The following ADAMTSL3 variants were observed in gnomAD, a reference collection of about 807,000 sequenced individuals.
The protein encoded by ADAMTSL3 is ADAMTS like 3, also known as ADAMTS-like protein 3.
In ADAMTSL3, 128 loss-of-function variants were observed where a neutral mutation model predicts 201.7. That is an observed-to-expected ratio of 0.63 (90% CI 0.55 to 0.73). The LOEUF is 0.73. ADAMTSL3 is among the 30% of genes least tolerant of loss of function. ADAMTSL3 has a pLI of 0.00. For missense variants in ADAMTSL3, 1,990 were observed against 2,119.6 expected (o/e 0.94, Z 1.20); for synonymous variants, 738 against 748.4 (o/e 0.99, Z 0.23).
At position 83,844,752 on chromosome 15, in the gene ADAMTSL3, T is replaced by C. The variant is rs541756845; in HGVS notation, c.727+6537T>C. Among the ~76,000 whole-genome samples the C allele has an allele frequency of 3.7e-4, 57 of 152,320 alleles. No individual in the cohort carries two copies. The South Asian group carries it at 0.011, about 30-fold the overall frequency. On this transcript the variant is annotated intron_variant, in intron 7 of 29. Transcript: ENST00000286744. ...CTTTTGCATGGTTTTGTTTGTCTTC[T>C]GGCCCTGTGCATGAAGAGAGATAAT...
At chr15:83,674,491 A>C (rs2061367702) in intron 2 of ADAMTSL3, among the ~76,000 whole-genome samples, 2 of 151,632 alleles carry the variant, frequency 1.3e-5, no homozygotes, top group African/African-American at 2.4e-5. Context: ...TATTTGTCCT[A>C]CTGTGTCACA....
chr15:83,743,154 C>T (rs2062483626), intron 3 of ADAMTSL3, among the ~76,000 whole-genome samples: 2 of 152,164 alleles, frequency 1.3e-5, no homozygotes, highest in Admixed American at 1.3e-4. Context: ...CCATTTTTAT[C>T]CCTTCTATCA....
chr15:83,683,979 A>G (rs540569894), intron 2 of ADAMTSL3, among the ~76,000 whole-genome samples: 6 of 152,192 alleles, frequency 3.9e-5, no homozygotes, highest in Non-Finnish European at 8.8e-5. Flanking sequence ...TCTCCCTTGC[A>G]TAATAGTATT....
chr15:83,839,909 A>G (rs2064342844), intron 7 of ADAMTSL3, among the ~76,000 whole-genome samples: 1 of 152,168 alleles, frequency 6.6e-6, no homozygotes, highest in Non-Finnish European at 1.5e-5. Context: ...CCCCATAAGT[A>G]TCCAATGTCT....
chr15:83,694,638 A>G (rs2061656035), intron 2 of ADAMTSL3, among the ~76,000 whole-genome samples: 1 of 152,080 alleles, frequency 6.6e-6, no homozygotes, highest in Non-Finnish European at 1.5e-5. Flanking sequence ...TGGCAGGGCA[A>G]GGCTTTCTTT....
At chr15:83,678,225 C>T (rs919135720) in intron 2 of ADAMTSL3, among the ~76,000 whole-genome samples, 1 of 151,994 alleles carries the variant, frequency 6.6e-6, no homozygotes, top group Non-Finnish European at 1.5e-5. Context: ...CCTATTTTTG[C>T]CCATTAATTG....
rs1443057502 is a variant in ADAMTSL3 at position 83,899,681 on chromosome 15, G to A, written c.1650G>A (p.Leu550=). ...CAGTGGAAGCAAAATTGCCTTGGCT[G>A]AAACAAGCACAAGAACTAGAAGAGA... ...KSPVEAKLPW[L]KQAQELEETR... Residue 550 remains leucine, a synonymous_variant, in exon 15 of 30, where the codon CTG becomes CTA. Transcript: ENST00000286744. 2.5e-6 allele frequency: 4 copies of A among 1,612,362 alleles called. No homozygotes were observed. Among genetic ancestry groups the A allele is most frequent in the Non-Finnish European group, 2.5e-6 (3 of 1,178,896 alleles).
chr15:83,834,664 A>C (rs918293989), intron 6 of ADAMTSL3, among the ~76,000 whole-genome samples: 1 of 152,232 alleles, frequency 6.6e-6, no homozygotes, highest in Non-Finnish European at 1.5e-5. Flanking sequence ...ATGAATATTT[A>C]TTCCAAAAAG....
At chr15:83,711,817 C>G (rs887063922) in intron 3 of ADAMTSL3, among the ~76,000 whole-genome samples, 1 of 152,154 alleles carries the variant, frequency 6.6e-6, no homozygotes, top group Admixed American at 6.5e-5. Context: ...GATTTAATAT[C>G]TAGCTTTTGA....
chr15:83,927,091 C>T (rs2066260482), intron 17 of ADAMTSL3, among the ~76,000 whole-genome samples: 1 of 151,928 alleles, frequency 6.6e-6, no homozygotes. Flanking sequence ...AAGAGTTCTA[C>T]AATCCATAAA....
At chr15:83,724,383 CCACCG>C (rs1481772939) in intron 3 of ADAMTSL3, among the ~76,000 whole-genome samples, 7 of 152,174 alleles carry the variant, frequency 4.6e-5, no homozygotes, top group African/African-American at 1.7e-4. Context: ...CAGGTGTGAG[CCACCG>C]CACCTGGCCT....
rs1415414037 is a variant in ADAMTSL3, at chr15:83,897,964, A to G, written c.1574A>G (p.Lys525Arg). The change falls in exon 14 of 30, where the codon AAA (lysine) becomes AGA (arginine). Residue 525 changes from lysine to arginine, a missense_variant. By Grantham distance (26) the Lys-to-Arg change is conservative (BLOSUM62 2). Transcript: ENST00000286744. ...AATCCACAACTGAAGTTACACATCA[A>G]AGAAGAATGTGTCATTCCCATCCCG... is the stretch of plus-strand genomic sequence containing the variant. ...GCNPQLKLHI[K>R]EECVIPIPCY... 3 of 1,613,754 alleles carry G rather than the reference A, an allele frequency of 1.9e-6. No individual in the cohort carries two copies. The highest frequency in any genetic ancestry group is 2.2e-5 in the South Asian group (2 of 91,054).
At chr15:83,973,895 CG>C (rs1045960714) in intron 20 of ADAMTSL3, among the ~76,000 whole-genome samples, 3 of 152,142 alleles carry the variant, frequency 2.0e-5, no homozygotes, top group African/African-American at 7.2e-5. Flanking sequence ...GTGGCCTAAT[CG>C]GTGCCTTGGG....
intron 6 of ADAMTSL3, among the ~76,000 whole-genome samples, chr15:83,836,120 A>G (rs976609426): frequency 2.0e-5 from 3 of 152,340 alleles, no homozygotes; most frequent in South Asian, 2.1e-4. Context: ...TTGTATTACT[A>G]TCTTTATAAA....
intron 15 of ADAMTSL3, among the ~76,000 whole-genome samples, chr15:83,904,325 C>T (rs1229026784): frequency 4.6e-5 from 7 of 152,062 alleles, no homozygotes; most frequent in South Asian, 2.1e-4. Flanking sequence ...TTCATTCCCT[C>T]GATTTCCAAA....
rs141915865 is a variant in ADAMTSL3 at position 83,946,600 on chromosome 15, A to G, written c.2490+3518A>G. On this transcript the variant is annotated intron_variant, in intron 19 of 29. Coordinates refer to ENST00000286744, the MANE Select transcript of ADAMTSL3 (RefSeq NM_207517.3). ...TGTTCAGAGCTCTAAGCAAGTAAAT[A>G]CTATTCCTCAACAGTCTTTGCAAAG... Among the ~76,000 whole-genome samples, 46 of 152,334 alleles carry G rather than the reference A, an allele frequency of 3.0e-4. No individual in the cohort carries two copies. In the Middle Eastern group the frequency reaches 0.01, roughly 34 times the overall value.
At chr15:83,691,124 T>C (rs530219076) in intron 2 of ADAMTSL3, among the ~76,000 whole-genome samples, 2 of 152,338 alleles carry the variant, frequency 1.3e-5, no homozygotes, top group African/African-American at 4.8e-5. Flanking sequence ...CCTTTTGATT[T>C]AAGAAAATGC....
intron 2 of ADAMTSL3, among the ~76,000 whole-genome samples, chr15:83,663,681 C>T (rs542097215): frequency 6.6e-6 from 1 of 152,190 alleles, no homozygotes; most frequent in African/African-American, 2.4e-5. Context: ...GACCTTGTCC[C>T]CCAAGTGATT....
chr15:83,850,535 ACT>A (rs990261060), intron 7 of ADAMTSL3, among the ~76,000 whole-genome samples: 2 of 150,608 alleles, frequency 1.3e-5, no homozygotes, highest in African/African-American at 4.9e-5. Flanking sequence ...TATATAGAAC[ACT>A]CTTTTAATCA....
Sources: allele counts gnomAD v4.1 joint callset (sites outside exome capture counted in the v4.1 genomes callset), GRCh38; gene constraint gnomAD v4.1.1; transcripts MANE v1.5; gene names NCBI Gene and HGNC (gene_info 2026-07-23, HGNC 2026-07-21).